COL23A1: variants seen among roughly 807,000 people sequenced by gnomAD.
COL23A1 encodes the protein collagen type XXIII alpha 1 chain, also known as collagen alpha-1(XXIII) chain.
A neutral mutation model predicts 99.3 loss-of-function variants in COL23A1; 97 were observed. The observed-to-expected ratio is 0.98, with a 90% CI of 0.83 to 1.16. The LOEUF (loss-of-function observed/expected upper bound fraction) is 1.16, where lower values mean the gene tolerates loss of function less well. Among genes scored for constraint, COL23A1 ranks in the 50% most tolerant of loss-of-function variants. COL23A1 has a pLI of 0.00. For missense variants in COL23A1, 762 were observed against 757.4 expected, an observed-to-expected ratio of 1.01 and a Z score of -0.07; for synonymous variants, 320 against 308.2, an observed-to-expected ratio of 1.04 and a Z score of -0.40.
At chr5:178,576,918 T>C (rs1395826235) in intron 1 of COL23A1, among the ~76,000 whole-genome samples, 2 of 151,552 alleles carry the variant, frequency 1.3e-5, no homozygotes, top group Non-Finnish European at 2.9e-5. Flanking sequence ...CGCTGGCCGC[T>C]CTGCCGGGTC....
intron 2 of COL23A1, among the ~76,000 whole-genome samples, chr5:178,370,496 A>C (rs1464033284): frequency 6.6e-6 from 1 of 152,204 alleles, no homozygotes; most frequent in Non-Finnish European, 1.5e-5. Flanking sequence ...AGGCTTCAGA[A>C]ACTTGGCGGC....
chr5:178,319,089 G>T (rs1581143685), intron 2 of COL23A1, among the ~76,000 whole-genome samples: 1 of 152,252 alleles, frequency 6.6e-6, no homozygotes, highest in Admixed American at 6.5e-5. Context: ...GTCGGTGCTG[G>T]GTGGCCAGCG....
At chr5:178,320,409 G>A (rs572348139) in intron 2 of COL23A1, among the ~76,000 whole-genome samples, 1 of 152,320 alleles carries the variant, frequency 6.6e-6, no homozygotes, top group Non-Finnish European at 1.5e-5. Flanking sequence ...GTGTAGCCAG[G>A]TTGTGCACAG....
chr5:178,270,270 G>C (rs1756210100), intron 6 of COL23A1, 67 bp downstream of exon 6: 11 of 1,591,336 alleles, frequency 6.9e-6, no homozygotes, highest in Non-Finnish European at 8.6e-6. Flanking sequence ...GTGCCTGCTG[G>C]TCACTCCTAG....
intron 11 of COL23A1, 91 bp from the exon 12 acceptor site, chr5:178,259,838 G>T: frequency 7.8e-7 from 1 of 1,277,358 alleles, no homozygotes; most frequent in Non-Finnish European, 1.1e-6. Flanking sequence ...GGTAGAAGTG[G>T]CACTGATGAC....
intron 8 of COL23A1, among the ~76,000 whole-genome samples, chr5:178,266,213 G>C (rs564578849): frequency 3.1e-4 from 47 of 152,066 alleles, no homozygotes; most frequent in Admixed American, 2.5e-3. Context: ...GCTAATTTTT[G>C]TATTTTTAGT....
intron 2 of COL23A1, among the ~76,000 whole-genome samples, chr5:178,550,742 TAGG>T (rs1562081126): frequency 6.6e-6 from 1 of 152,066 alleles, no homozygotes; most frequent in Admixed American, 6.6e-5. Flanking sequence ...GCTCCTGGCA[TAGG>T]GGGGCGTGTG....
intron 2 of COL23A1, among the ~76,000 whole-genome samples, chr5:178,429,049 T>A: frequency 6.6e-6 from 1 of 152,174 alleles, no homozygotes; most frequent in East Asian, 1.9e-4. Context: ...GGCACGCGAC[T>A]GCTCTGTAAA....
intron 2 of COL23A1, among the ~76,000 whole-genome samples, chr5:178,369,276 C>CT (rs1226784742): frequency 3.3e-5 from 5 of 151,866 alleles, no homozygotes; most frequent in Admixed American, 6.6e-5. Context: ...TGTTCCCCCC[C>CT]ACACCACCCT....
intron 5 of COL23A1, among the ~76,000 whole-genome samples, chr5:178,272,597 A>G (rs1756353807): frequency 6.6e-6 from 1 of 152,154 alleles, no homozygotes; most frequent in African/African-American, 2.4e-5. Context: ...CATCACAGGC[A>G]TAGTTCTAGT....
At chr5:178,547,055 T>C (rs1761620802) in intron 2 of COL23A1, among the ~76,000 whole-genome samples, 1 of 152,180 alleles carries the variant, frequency 6.6e-6, no homozygotes, top group African/African-American at 2.4e-5. Context: ...TCCCAAACTC[T>C]GCTCAATTCA....
chr5:178,478,739 C>A (rs1450534880), intron 2 of COL23A1, among the ~76,000 whole-genome samples: 1 of 152,116 alleles, frequency 6.6e-6, no homozygotes, highest in Non-Finnish European at 1.5e-5. Flanking sequence ...GCCAGATATT[C>A]TTGGGTTTAA....
chr5:178,442,768 T>TCCC (rs947521515), intron 2 of COL23A1, among the ~76,000 whole-genome samples: 5 of 152,102 alleles, frequency 3.3e-5, no homozygotes, highest in Non-Finnish European at 7.4e-5. Flanking sequence ...CCTGCTGTAC[T>TCCC]CCCCCTCGCC....
chr5:178,448,442 A>G (rs569688067), intron 2 of COL23A1, among the ~76,000 whole-genome samples: 1 of 151,812 alleles, frequency 6.6e-6, no homozygotes, highest in Admixed American at 6.6e-5. Context: ...TGCTAGTCGC[A>G]GTCCGTTTTG....
intron 1 of COL23A1, among the ~76,000 whole-genome samples, chr5:178,580,477 T>C (rs538926613): frequency 1.5e-4 from 23 of 151,984 alleles, no homozygotes; most frequent in South Asian, 8.3e-4. Context: ...TTTTTTTTTT[T>C]CCCCAATGGT....
Position 178,250,055 on chromosome 5 carries a change from A to G in COL23A1, c.1059+6T>C. 1 of 1,614,214 alleles carries G rather than the reference A, an allele frequency of 6.2e-7. No individual in the cohort carries two copies. The highest frequency in any genetic ancestry group is 8.5e-7 in the Non-Finnish European group (1 of 1,180,018). The stretch of plus-strand genomic sequence containing the variant: ...GCATCACCAAGGAAATGAAAGGCCC[A>G]GAGACCTTCTCTCCATCGATTCCTG... On this transcript the variant is annotated splice_donor_region_variant and intron_variant, in intron 18 of 28. Transcript: ENST00000390654.
At chr5:178,368,633 G>GT (rs1762625975) in intron 2 of COL23A1, among the ~76,000 whole-genome samples, 9 of 152,180 alleles carry the variant, frequency 5.9e-5, no homozygotes, top group Admixed American at 5.9e-4. Context: ...TTGAGCAGGG[G>GT]AAGAGTGGGG....
At chr5:178,527,384 A>G (rs1257121568) in intron 2 of COL23A1, among the ~76,000 whole-genome samples, 1 of 151,900 alleles carries the variant, frequency 6.6e-6, no homozygotes, top group Admixed American at 6.5e-5. Flanking sequence ...GGCCTTTTCC[A>G]TCTGTCTGTC....
chr5:178,334,908 C>T (rs1366597126), intron 2 of COL23A1, among the ~76,000 whole-genome samples: 1 of 152,208 alleles, frequency 6.6e-6, no homozygotes. Flanking sequence ...TCCTCAGATC[C>T]AGGCAGCTGA....
Sources: allele counts gnomAD v4.1 joint callset (sites outside exome capture counted in the v4.1 genomes callset), GRCh38; gene constraint gnomAD v4.1.1; transcripts MANE v1.5; gene names NCBI Gene and HGNC (gene_info 2026-07-23, HGNC 2026-07-21).